MAGI2: variants seen among roughly 807,000 people sequenced by gnomAD.
The protein encoded by MAGI2 is membrane associated guanylate kinase, WW and PDZ domain containing 2.
In MAGI2, 35 loss-of-function variants were observed where a neutral mutation model predicts 133.3. The observed-to-expected ratio is 0.26, with a 90% CI of 0.20 to 0.35. The LOEUF is 0.35. Among genes scored for constraint, MAGI2 ranks in the 10% least tolerant of loss-of-function variants. MAGI2 has a pLI of 1.00. For missense variants in MAGI2, 1,636 were observed against 1,863.4 expected, an observed-to-expected ratio of 0.88 and a Z score of 2.25; for synonymous variants, 729 against 710.6, an observed-to-expected ratio of 1.03 and a Z score of -0.41.
chr7:78,955,733 CTTTCTTTCTTTCTTTCTTTCTT>C (rs1254812946), intron 2 of MAGI2, among the ~76,000 whole-genome samples: 11 of 49,220 alleles, frequency 2.2e-4, no homozygotes, highest in African/African-American at 6.7e-4. Flanking sequence ...CTCTTTCTTT[CTTTCTTTCTTTCTTTCTTTCTT>C]TCTTTCTTTC....
intron 2 of MAGI2, among the ~76,000 whole-genome samples, chr7:78,777,968 G>A (rs2151333191): frequency 6.6e-6 from 1 of 152,214 alleles, no homozygotes; most frequent in South Asian, 2.1e-4. Context: ...ATGACTGAAA[G>A]GACCAAAGCA....
chr7:78,798,230 T>C (rs555129045), intron 2 of MAGI2, among the ~76,000 whole-genome samples: 2 of 152,280 alleles, frequency 1.3e-5, no homozygotes, highest in South Asian at 2.1e-4. Flanking sequence ...TCTATGATCA[T>C]TAGTTCATCT....
intron 2 of MAGI2, among the ~76,000 whole-genome samples, chr7:78,675,528 C>T (rs1273968018): frequency 1.3e-5 from 2 of 151,996 alleles, no homozygotes; most frequent in Non-Finnish European, 2.9e-5. Context: ...CTGATAAATA[C>T]ATTTATTTTA....
chr7:78,643,373 A>G (rs1810509055), intron 2 of MAGI2, among the ~76,000 whole-genome samples: 1 of 152,164 alleles, frequency 6.6e-6, no homozygotes, highest in Non-Finnish European at 1.5e-5. Context: ...AAAAGTAGTA[A>G]TTTTCTAAAA....
intron 2 of MAGI2, among the ~76,000 whole-genome samples, chr7:78,646,819 T>A (rs901457082): frequency 6.6e-6 from 1 of 152,186 alleles, no homozygotes; most frequent in Non-Finnish European, 1.5e-5. Flanking sequence ...TCACCTCACT[T>A]CATCTCTCTC....
chr7:79,073,983 T>G (rs1815231560), intron 1 of MAGI2, among the ~76,000 whole-genome samples: 1 of 152,162 alleles, frequency 6.6e-6, no homozygotes, highest in Non-Finnish European at 1.5e-5. Flanking sequence ...TTTCAAAGAC[T>G]AGGCAAGTCT....
intron 2 of MAGI2, among the ~76,000 whole-genome samples, chr7:78,973,277 A>G (rs1803945310): frequency 6.6e-6 from 1 of 151,938 alleles, no homozygotes; most frequent in South Asian, 2.1e-4. Context: ...CCTTCTAGGT[A>G]TAACTATTGT....
Position 78,019,961 on chromosome 7 carries a change from C to G in MAGI2, c.3722G>C (p.Trp1241Ser). The G allele has an allele frequency of 6.2e-7, 1 of 1,606,514 alleles. No individual in the cohort carries two copies. The highest frequency in any genetic ancestry group is 8.5e-7 in the Non-Finnish European group (1 of 1,177,408). ...QVPEYDEPAP[W>S]SSPAAAAPGL... ...TGGGGCGGCGGCAGCGGGAGAACTC[C>G]AGGGGGCGGGTTCGTCTGTGGACGG... Residue 1241 changes from tryptophan to serine, a missense_variant, in exon 22 of 22, where the codon TGG becomes TCG. Trp to Ser is a radical substitution (Grantham distance 177). Coordinates refer to ENST00000354212, the MANE Select transcript of MAGI2 (RefSeq NM_012301.4).
At chr7:78,413,713 G>A (rs965527641) in intron 6 of MAGI2, among the ~76,000 whole-genome samples, 1 of 152,010 alleles carries the variant, frequency 6.6e-6, no homozygotes, top group Admixed American at 6.6e-5. Flanking sequence ...AAAACCAGAA[G>A]AGAATGTGCC....
intron 3 of MAGI2, among the ~76,000 whole-genome samples, chr7:78,532,942 A>T (rs1342586961): frequency 2.0e-5 from 3 of 149,610 alleles, no homozygotes; most frequent in Non-Finnish European, 4.5e-5. Flanking sequence ...GAAATCAACT[A>T]ATTCTTTTTT....
chr7:78,748,680 G>T (rs957572785), intron 2 of MAGI2, among the ~76,000 whole-genome samples: 19 of 143,456 alleles, frequency 1.3e-4, no homozygotes, highest in Non-Finnish European at 2.2e-4. Flanking sequence ...TTGAAAGAAG[G>T]AAATTACTCT....
intron 20 of MAGI2, among the ~76,000 whole-genome samples, chr7:78,123,549 A>C (rs913886437): frequency 6.6e-6 from 1 of 152,202 alleles, no homozygotes; most frequent in African/African-American, 2.4e-5. Context: ...GTGCGATACC[A>C]TGATAGTCAA....
intron 3 of MAGI2, among the ~76,000 whole-genome samples, chr7:78,587,164 C>G (rs1803508456): frequency 6.6e-6 from 1 of 152,172 alleles, no homozygotes; most frequent in Admixed American, 6.5e-5. Flanking sequence ...ATACTGTTTT[C>G]CATAGCAGCT....
Position 79,095,448 on chromosome 7 carries a change from T to G in MAGI2, c.302-88242A>C, listed in dbSNP as rs573748740. Among the ~76,000 whole-genome samples the G allele has an allele frequency of 9.8e-5, 15 of 152,382 alleles. No homozygotes were observed. The South Asian group carries it at 3.1e-3, about 32-fold the overall frequency. On this transcript the variant is annotated intron_variant, in intron 1 of 21. Transcript: ENST00000354212. Reference sequence around the variant, plus strand: ...GATGCAAGCGGACTAGCTTTTGGCCTACCTTGGCTTTTGACAAGCCTTCCT... The same window carrying G: ...GATGCAAGCGGACTAGCTTTTGGCCGACCTTGGCTTTTGACAAGCCTTCCT...
intron 1 of MAGI2, among the ~76,000 whole-genome samples, chr7:79,395,321 G>A (rs1463252197): frequency 2.0e-5 from 3 of 152,152 alleles, no homozygotes; most frequent in Non-Finnish European, 4.4e-5. Flanking sequence ...ATAATCAAAG[G>A]AAAGTGTAAA....
intron 6 of MAGI2, among the ~76,000 whole-genome samples, chr7:78,436,928 C>G (rs1032153597): frequency 2.0e-5 from 3 of 152,120 alleles, no homozygotes; most frequent in Non-Finnish European, 4.4e-5. Flanking sequence ...CATTTAGGAA[C>G]CAACTATGAT....
chr7:78,766,624 T>A (rs1430838031), intron 2 of MAGI2, among the ~76,000 whole-genome samples: 2 of 152,236 alleles, frequency 1.3e-5, no homozygotes, highest in Admixed American at 1.3e-4. Context: ...ACTTTACTGA[T>A]TTAAAGAGAA....
chr7:78,464,578 G>T (rs1034618322), intron 6 of MAGI2, among the ~76,000 whole-genome samples: 1 of 151,752 alleles, frequency 6.6e-6, no homozygotes. Context: ...CATTTTCAAG[G>T]GAACAGAAAA....
intron 10 of MAGI2, among the ~76,000 whole-genome samples, chr7:78,216,245 T>C (rs1055550348): frequency 6.6e-6 from 1 of 152,234 alleles, no homozygotes; most frequent in East Asian, 1.9e-4. Context: ...TTCTAAATAG[T>C]CCTCAATTCT....
Sources: gnomAD v4.1 joint callset for allele counts (sites outside exome capture counted in the v4.1 genomes callset) on GRCh38, gnomAD v4.1.1 for gene constraint, MANE v1.5 for transcripts, NCBI Gene and HGNC (gene_info 2026-07-23, HGNC 2026-07-21) for gene names.